Variants in MDFIC observed in about 807,000 individuals in gnomAD.
MDFIC encodes the protein myoD family inhibitor domain-containing protein.
Under a neutral mutation model 23.2 loss-of-function variants are expected in MDFIC, and 17 were observed. The ratio of observed to expected loss-of-function variants is 0.73; its 90% CI spans 0.50 to 1.10. The LOEUF (loss-of-function observed/expected upper bound fraction) is 1.10, where lower values mean the gene tolerates loss of function less well. MDFIC is among the 50% of genes least tolerant of loss of function. MDFIC has a pLI of 0.00. For missense variants in MDFIC, 356 were observed against 316.6 expected, an observed-to-expected ratio of 1.12 and a Z score of -0.95; for synonymous variants, 120 against 115.2, an observed-to-expected ratio of 1.04 and a Z score of -0.27.
At chr7:114,990,351 T>C (rs1793583651) in intron 4 of MDFIC, among the ~76,000 whole-genome samples, 1 of 144,050 alleles carries the variant, frequency 6.9e-6, no homozygotes, top group African/African-American at 2.6e-5. Context: ...TGTGTTATTC[T>C]TTTTTTTTTT....
At chr7:114,933,124 A>C (rs1158513156) in intron 2 of MDFIC, among the ~76,000 whole-genome samples, 2 of 152,102 alleles carry the variant, frequency 1.3e-5, no homozygotes, top group African/African-American at 4.8e-5. Context: ...TCATAAAATA[A>C]CTCTGTATAA....
At chr7:115,003,917 T>C (rs1014767497) in intron 4 of MDFIC, among the ~76,000 whole-genome samples, 7 of 152,200 alleles carry the variant, frequency 4.6e-5, no homozygotes, top group African/African-American at 1.4e-4. Flanking sequence ...TTTTCATCTG[T>C]AAAATGAGGT....
chr7:114,985,252 TG>T (rs1301999844), intron 4 of MDFIC, among the ~76,000 whole-genome samples: 1 of 152,196 alleles, frequency 6.6e-6, no homozygotes, highest in Non-Finnish European at 1.5e-5. Flanking sequence ...TACTGCTTAG[TG>T]CTTAGAATAC....
At chr7:114,970,528 C>T (rs1243326052) in intron 3 of MDFIC, among the ~76,000 whole-genome samples, 1 of 152,082 alleles carries the variant, frequency 6.6e-6, no homozygotes, top group African/African-American at 2.4e-5. Flanking sequence ...TCCATATCGC[C>T]TTTTGTATCA....
rs1792118608 is a variant in MDFIC at position 114,923,002 on chromosome 7, A to G, written c.-32A>G. 7 of 1,500,012 alleles carry G rather than the reference A, an allele frequency of 4.7e-6. No individual in the cohort carries two copies. The African/African-American group carries it at 1.0e-4, about 22-fold the overall frequency. The allele number at this position is 1,500,012 out of a possible 1,614,324, so 92.9% of individuals were successfully genotyped here. On this transcript the variant is annotated 5_prime_UTR_variant, in exon 2 of 5. Coordinates refer to ENST00000393486, the MANE Select transcript of MDFIC (RefSeq NM_001166345.3). The stretch of plus-strand genomic sequence containing the variant: ...CCTGCCGGGCGGCGAGCTAGGCGGC[A>G]GCGGCGCGGCGCGGGCTCGGCGGAG...
At chr7:114,976,170 C>T (rs1016111056) in intron 3 of MDFIC, among the ~76,000 whole-genome samples, 17 of 152,124 alleles carry the variant, frequency 1.1e-4, no homozygotes, top group Admixed American at 9.2e-4. Flanking sequence ...TTTTTATTTA[C>T]TAAAAATATT....
chr7:114,989,009 A>G (rs961556590), intron 4 of MDFIC, among the ~76,000 whole-genome samples: 1 of 152,110 alleles, frequency 6.6e-6, no homozygotes, highest in Non-Finnish European at 1.5e-5. Context: ...AATCCCAAGG[A>G]AAGTTCAGAT....
chr7:114,932,048 A>G (rs969358033), intron 2 of MDFIC, among the ~76,000 whole-genome samples: 9 of 152,264 alleles, frequency 5.9e-5, no homozygotes, highest in African/African-American at 1.7e-4. Context: ...TATTTCTTTC[A>G]TTACTCAGGC....
At chr7:114,972,460 C>T (rs893956672) in intron 3 of MDFIC, among the ~76,000 whole-genome samples, 1 of 152,048 alleles carries the variant, frequency 6.6e-6, no homozygotes, top group South Asian at 2.1e-4. Flanking sequence ...CTGATATCCT[C>T]CTAGTCATGA....
chr7:114,959,824 C>CTAATAATAATAATAATAA (rs56917725), intron 3 of MDFIC, among the ~76,000 whole-genome samples: 1 of 145,582 alleles, frequency 6.9e-6, no homozygotes. Flanking sequence ...TCTAAATAGA[C>CTAATAATAATAATAATAA]TAATAATAAT....
chr7:115,000,170 T>G (rs1197330956), intron 4 of MDFIC, among the ~76,000 whole-genome samples: 1 of 152,210 alleles, frequency 6.6e-6, no homozygotes, highest in Non-Finnish European at 1.5e-5. Flanking sequence ...TTACTGTACC[T>G]TTTCTATGTT....
intron 4 of MDFIC, among the ~76,000 whole-genome samples, chr7:114,999,045 T>C (rs1791405243): frequency 6.6e-6 from 1 of 151,950 alleles, no homozygotes; most frequent in African/African-American, 2.4e-5. Context: ...GTTCCCCATG[T>C]CTCTTTCTCA....
chr7:114,975,011 GA>G (rs1275682205), intron 3 of MDFIC, among the ~76,000 whole-genome samples: 1 of 151,522 alleles, frequency 6.6e-6, no homozygotes, highest in African/African-American at 2.4e-5. Context: ...AGTGGTATTT[GA>G]AATTTTGATG....
At chr7:114,998,313 T>G in intron 4 of MDFIC, among the ~76,000 whole-genome samples, 1 of 152,206 alleles carries the variant, frequency 6.6e-6, no homozygotes. Flanking sequence ...CCACCTATAG[T>G]AAAACCTTAT....
At chr7:114,948,465 C>T (rs944527282) in intron 3 of MDFIC, among the ~76,000 whole-genome samples, 1 of 151,958 alleles carries the variant, frequency 6.6e-6, no homozygotes, top group African/African-American at 2.4e-5. Context: ...TCCGATGTTC[C>T]TTATTTTTCT....
In MDFIC at chr7:114,942,397, A is replaced by G. The variant is rs1252950150; in HGVS notation, c.217A>G (p.Thr73Ala). 2.5e-6 allele frequency: 4 copies of G among 1,568,768 alleles called. No homozygotes were observed. Among genetic ancestry groups the G allele is most frequent in the Non-Finnish European group, 3.4e-6 (4 of 1,161,658 alleles). The change falls in exon 3 of 5, where the codon ACC becomes GCC. Residue 73 changes from threonine to alanine, a missense_variant and splice_region_variant. Physicochemically the swap from Thr to Ala is moderately conservative, Grantham distance 58. Transcript: ENST00000393486. ...TCCTTCGGATGGTGAACTCATTAGA[A>G]GTAAGTATTTTTAGAAAAAACTTTG... ...GNPSDGELIR[T>A]QPQRLPQLQT...
chr7:115,000,234 G>C (rs372159090), intron 4 of MDFIC, among the ~76,000 whole-genome samples: 2 of 152,168 alleles, frequency 1.3e-5, no homozygotes, highest in East Asian at 1.9e-4. Context: ...ACTCAGTACA[G>C]TAACATGCTG....
chr7:114,974,318 A>G (rs1320084230), intron 3 of MDFIC, among the ~76,000 whole-genome samples: 1 of 151,276 alleles, frequency 6.6e-6, no homozygotes, highest in Non-Finnish European at 1.5e-5. Context: ...TATATCTTCT[A>G]CTATCTGTGT....
chr7:115,007,628 GTGTATA>G (rs1791595933), intron 4 of MDFIC, among the ~76,000 whole-genome samples: 2 of 39,954 alleles, frequency 5.0e-5, no homozygotes, highest in African/African-American at 1.3e-4. Context: ...GTGCGTGTGT[GTGTATA>G]TATATATATA....
Sources: gnomAD v4.1 joint callset for allele counts (sites outside exome capture counted in the v4.1 genomes callset) on GRCh38, gnomAD v4.1.1 for gene constraint, MANE v1.5 for transcripts, NCBI Gene and HGNC (gene_info 2026-07-23, HGNC 2026-07-21) for gene names.